Variants in AKNA observed in about 807,000 individuals in gnomAD.
AKNA encodes microtubule organization protein AKNA.
In AKNA, 67 loss-of-function variants were observed where a neutral mutation model predicts 138.8. That is an observed-to-expected ratio of 0.48 (90% CI 0.40 to 0.59). The LOEUF (loss-of-function observed/expected upper bound fraction) is 0.59, where lower values mean the gene tolerates loss of function less well. AKNA is among the 20% of genes least tolerant of loss of function. The pLI is 0.00. For missense variants in AKNA, 1,813 were observed against 1,880.4 expected (o/e 0.96, Z 0.66); for synonymous variants, 737 against 754.4 (o/e 0.98, Z 0.38).
intron 11 of AKNA, among the ~76,000 whole-genome samples, chr9:114,358,922 T>C (rs142041404): frequency 3.3e-5 from 5 of 152,082 alleles, no homozygotes; most frequent in African/African-American, 1.2e-4. Flanking sequence ...CATGTATACA[T>C]ATGTAACAAA....
At chr9:114,374,541 C>A (rs76474814) in intron 3 of AKNA, among the ~76,000 whole-genome samples, 1 of 152,286 alleles carries the variant, frequency 6.6e-6, no homozygotes, top group Admixed American at 6.5e-5. Flanking sequence ...TTTCTTTCCC[C>A]CTGCTGCACT....
intron 4 of AKNA, 91 bp downstream of exon 4, chr9:114,374,002 G>A (rs1422030227): frequency 3.7e-6 from 5 of 1,343,100 alleles, no homozygotes; most frequent in Non-Finnish European, 4.2e-6. Flanking sequence ...TCAGTAGATG[G>A]AGGAGGCAGT....
At position 114,376,817 on chromosome 9, in the gene AKNA, C is replaced by A; in HGVS notation, c.990G>T (p.Pro330=). Residue 330 remains proline, a synonymous_variant, in exon 3 of 22, where the codon CCG becomes CCT. Coordinates refer to ENST00000374088, the MANE Select transcript of AKNA (RefSeq NM_001317950.2). The part of the protein sequence containing the change: ...PQPRPTRQGR[P]LPRQGATLAG... ...CCAGAGTGGCTCCCTGTCTGGGCAG[C>A]GGCCTGCCCTGCCGCGTTGGCCTGG... 1 of 1,611,420 alleles carries A rather than the reference C, an allele frequency of 6.2e-7. No homozygotes were observed.
intron 2 of AKNA, among the ~76,000 whole-genome samples, chr9:114,380,233 G>A (rs1833539105): frequency 6.6e-6 from 1 of 151,994 alleles, no homozygotes. Flanking sequence ...ATCAAATCAA[G>A]TGTGCAAAGA....
Position 114,336,966 on chromosome 9 carries a change from T to C in AKNA, c.*88A>G. ...TCCTGGTGAGGAACTATGCGGGCCTTCTGGGCCTCAGCAGCTCCAGCCCAC... is the reference window on the plus strand; with the variant it reads ...TCCTGGTGAGGAACTATGCGGGCCTCCTGGGCCTCAGCAGCTCCAGCCCAC... On this transcript the variant is annotated 3_prime_UTR_variant, in exon 22 of 22. Coordinates refer to ENST00000374088, the MANE Select transcript of AKNA (RefSeq NM_001317950.2). 1 of 1,420,304 alleles carries C rather than the reference T, an allele frequency of 7.0e-7. No individual in the cohort carries two copies. The highest frequency in any genetic ancestry group is 9.3e-7 in the Non-Finnish European group (1 of 1,080,498). The allele number at this position is 1,420,304 out of a possible 1,614,324, so 88.0% of individuals were successfully genotyped here.
At chr9:114,392,297 T>C (rs1282548177), upstream of AKNA, among the ~76,000 whole-genome samples, 1 of 152,236 alleles carries the variant, frequency 6.6e-6, no homozygotes, top group African/African-American at 2.4e-5. Context: ...AGATTGTCTC[T>C]GAGGTTATCA....
At chr9:114,379,890 T>A (rs1038245249) in intron 2 of AKNA, among the ~76,000 whole-genome samples, 2 of 152,168 alleles carry the variant, frequency 1.3e-5, no homozygotes, top group Non-Finnish European at 2.9e-5. Context: ...ACGGCTCGCA[T>A]CTGTAATCCC....
At chr9:114,337,327 G>A in intron 21 of AKNA, 21 bp from the exon 22 acceptor site, 2 of 1,421,794 alleles carry the variant, frequency 1.4e-6, no homozygotes, top group South Asian at 1.6e-5. Context: ...AAGTGAGTGG[G>A]CTCGTTACAC....
Position 114,376,992 on chromosome 9 carries a change from C to T in AKNA, c.815G>A (p.Ser272Asn). Residue 272 changes from serine (S) to asparagine (N), a missense_variant, in exon 3 of 22, where the codon AGT becomes AAT. Coordinates refer to ENST00000374088, the MANE Select transcript of AKNA (RefSeq NM_001317950.2). ...FQDSSAPPAQ[S>N]PQHATDRWRR... ...CCATCTATCTGTGGCATGCTGCGGA[C>T]TCTGGGCTGGGGGAGCTGAGGAGTC... is the stretch of plus-strand genomic sequence containing the variant. 1 of 1,614,194 alleles carries T rather than the reference C, an allele frequency of 6.2e-7. No individual in the cohort carries two copies. Among genetic ancestry groups the T allele is most frequent in the Middle Eastern group, 1.6e-4 (1 of 6,062 alleles).
Position 114,362,503 on chromosome 9 carries a change from C to T in AKNA, c.1819G>A (p.Ala607Thr). ...GCCTTCAGGTACTCCTCCTCTAGGG[C>T]CGCGTGGGCAGCCTTCAGCCGCTGG... Reference protein sequence around the residue: ...GFQRLKAAHAALEEEYLKACR... With the variant: ...GFQRLKAAHATLEEEYLKACR... Residue 607 changes from alanine to threonine, a missense_variant, in exon 8 of 22, where the codon GCC (alanine) becomes ACC (threonine). Physicochemically the swap from Ala to Thr is moderately conservative, Grantham distance 58. Coordinates refer to ENST00000374088, the MANE Select transcript of AKNA (RefSeq NM_001317950.2). 1 of 1,613,408 alleles carries T rather than the reference C, an allele frequency of 6.2e-7. No individual in the cohort carries two copies. Among genetic ancestry groups the T allele is most frequent in the Non-Finnish European group, 8.5e-7 (1 of 1,179,838 alleles).
intron 1 of AKNA, among the ~76,000 whole-genome samples, chr9:114,384,439 A>T (rs1833895932): frequency 6.6e-6 from 1 of 152,132 alleles, no homozygotes; most frequent in African/African-American, 2.4e-5. Flanking sequence ...AAATATATAC[A>T]GGTGACCCTT....
rs200313008 is a variant in AKNA, at chr9:114,341,741, C to A, written c.3875-16G>T. On this transcript the variant is annotated splice_polypyrimidine_tract_variant and intron_variant, in intron 20 of 21. Coordinates refer to ENST00000374088, the MANE Select transcript of AKNA (RefSeq NM_001317950.2). ...TTCTCTGCCCCTATCAGGGAGGGAACAGCACAGAGAGACAGAGTCTGACCA... is the reference window on the plus strand; with the variant it reads ...TTCTCTGCCCCTATCAGGGAGGGAAAAGCACAGAGAGACAGAGTCTGACCA... The A allele has an allele frequency of 1.3e-6, 2 of 1,546,860 alleles. No homozygotes were observed. The highest frequency in any genetic ancestry group is 4.5e-5 in the East Asian group (2 of 44,466).
chr9:114,360,175 G>C (rs1831843525), intron 9 of AKNA, 113 bp from the exon 10 acceptor site: 7 of 1,297,312 alleles, frequency 5.4e-6, no homozygotes, highest in South Asian at 5.1e-5. Flanking sequence ...AAGCACATTA[G>C]ACTCACTAAG....
chr9:114,346,020 A>G lies in AKNA; in HGVS notation c.3515-11T>C. On this transcript the variant is annotated splice_polypyrimidine_tract_variant and intron_variant, in intron 17 of 21. Transcript: ENST00000374088. ...GCTCAGATTCTGAACCTGGGGTAGAAAAAGTGGGGCATCAGAGGGGGCAAG... is the reference window on the plus strand; with the variant it reads ...GCTCAGATTCTGAACCTGGGGTAGAGAAAGTGGGGCATCAGAGGGGGCAAG... The G allele has an allele frequency of 6.2e-7, 1 of 1,612,614 alleles. No homozygotes were observed.
At chr9:114,367,819 A>G in intron 5 of AKNA, 122 bp from the exon 6 acceptor site, 1 of 1,114,656 alleles carries the variant, frequency 9.0e-7, no homozygotes, top group East Asian at 2.7e-5. Context: ...ACCATGTGCG[A>G]TCTTCACATC....
At chr9:114,344,804 CCA>C (rs1830572995) in intron 18 of AKNA, 1 of 158,834 alleles carries the variant, frequency 6.3e-6, no homozygotes, top group Non-Finnish European at 1.4e-5. Flanking sequence ...GCTAGTAAGT[CCA>C]CAGAGAGATT....
intron 3 of AKNA, chr9:114,375,904 C>T (rs1833133593): frequency 2.2e-6 from 1 of 449,504 alleles, no homozygotes; most frequent in Non-Finnish European, 4.5e-6. Context: ...CCAGGTACAC[C>T]CTCCCTCCAC....
downstream of AKNA, among the ~76,000 whole-genome samples, chr9:114,332,654 AAC>A (rs1444433656): frequency 6.6e-6 from 1 of 152,030 alleles, no homozygotes; most frequent in African/African-American, 2.4e-5. Context: ...TTATGAACGC[AAC>A]CACTGTAGTC....
intron 15 of AKNA, chr9:114,348,751 C>A: frequency 2.4e-6 from 1 of 415,578 alleles, no homozygotes; most frequent in South Asian, 1.7e-5. Flanking sequence ...CCCAGATACC[C>A]CTCCCCACAA....
Sources: gnomAD v4.1 joint callset for allele counts (sites outside exome capture counted in the v4.1 genomes callset) on GRCh38, gnomAD v4.1.1 for gene constraint, MANE v1.5 for transcripts, NCBI Gene and HGNC (gene_info 2026-07-23, HGNC 2026-07-21) for gene names.